Variants in NRDE2 observed in about 807,000 individuals in gnomAD.
NRDE2 encodes the protein NRDE-2, necessary for RNA interference, domain containing.
Under a neutral mutation model 124.2 loss-of-function variants are expected in NRDE2, and 76 were observed. The observed-to-expected ratio is 0.61, with a 90% CI of 0.51 to 0.74. The LOEUF is 0.74. NRDE2 is among the 30% of genes least tolerant of loss of function. The probability of loss-of-function intolerance (pLI) is 0.00; values close to 1 mark genes in which losing one functional copy is unlikely to be tolerated. For missense variants in NRDE2, 1,314 were observed against 1,417.3 expected (o/e 0.93, Z 1.17); for synonymous variants, 489 against 528.1 (o/e 0.93, Z 1.01).
chr14:90,268,379 T>C lies in NRDE2; in HGVS notation c.*9957A>G. 6.2e-7 allele frequency: 1 copy of C among 1,612,816 alleles called. No individual in the cohort carries two copies. The highest frequency in any genetic ancestry group is 8.5e-7 in the Non-Finnish European group (1 of 1,179,628). ...TGAAGAACATGCACCGTCCATCGTG[T>C]TTATTGATGAAATTGACGCCATTGG... is the stretch of plus-strand genomic sequence containing the variant. On this transcript the variant is annotated 3_prime_UTR_variant, in exon 14 of 14. Coordinates refer to ENST00000354366, the MANE Select transcript of NRDE2 (RefSeq NM_017970.4).
At chr14:90,278,861 A>G in intron 13 of NRDE2, 1 of 634,978 alleles carries the variant, frequency 1.6e-6, no homozygotes, top group Non-Finnish European at 2.9e-6. Context: ...ATGAAGCACC[A>G]GCCCCAGGTA....
In NRDE2 at chr14:90,302,707, GT is replaced by G; in HGVS notation, c.1411+12del. On this transcript the variant is annotated intron_variant, in intron 6 of 13. Coordinates refer to ENST00000354366, the MANE Select transcript of NRDE2 (RefSeq NM_017970.4). ...AACTCCTCCCACGTAACTGGATCTG[GT>G]TATCTCCTTACCAAACATGGCCTCT... 6.3e-7 allele frequency: 1 copy of G among 1,583,944 alleles called. No homozygotes were observed. Among genetic ancestry groups the G allele is most frequent in the East Asian group, 2.2e-5 (1 of 44,548 alleles).
chr14:90,314,415 C>A (rs944616072), intron 3 of NRDE2, among the ~76,000 whole-genome samples: 2 of 152,110 alleles, frequency 1.3e-5, no homozygotes, highest in African/African-American at 2.4e-5. Flanking sequence ...AGGACAAGAA[C>A]AATCTTAATA....
chr14:90,306,258 C>T (rs1210596353), intron 4 of NRDE2, among the ~76,000 whole-genome samples: 1 of 152,254 alleles, frequency 6.6e-6, no homozygotes, highest in Non-Finnish European at 1.5e-5. Flanking sequence ...CACCTTGGTT[C>T]AGGGCCGGGC....
rs200016542 is a variant in NRDE2, at chr14:90,278,288, G to A, written c.*48C>T. On this transcript the variant is annotated 3_prime_UTR_variant, in exon 14 of 14. Transcript: ENST00000354366. ...TCTGCTCGCGCCTCCTAGCTCCGCA[G>A]GGTGGGCAACTTGGCCTCGCAGGCA... The A allele has an allele frequency of 1.2e-6, 2 of 1,612,444 alleles. No homozygotes were observed. The highest frequency in any genetic ancestry group is 2.7e-5 in the African/African-American group (2 of 75,026).
At chr14:90,287,346 T>C (rs1892135816) in intron 11 of NRDE2, among the ~76,000 whole-genome samples, 1 of 152,090 alleles carries the variant, frequency 6.6e-6, no homozygotes, top group Non-Finnish European at 1.5e-5. Flanking sequence ...GGCCGGACAC[T>C]GTGGCTCCCT....
Position 90,301,320 on chromosome 14 carries a change from C to T in NRDE2, c.1464G>A (p.Lys488=). The T allele has an allele frequency of 6.2e-7, 1 of 1,613,884 alleles. No homozygotes were observed. The highest frequency in any genetic ancestry group is 1.1e-5 in the South Asian group (1 of 91,076). The change falls in exon 7 of 14, where the codon AAG becomes AAA. Residue 488 remains lysine (K), a synonymous_variant. Coordinates refer to ENST00000354366, the MANE Select transcript of NRDE2 (RefSeq NM_017970.4). The part of the protein sequence containing the change: ...HFLRQAGHSE[K]AISLFQAMVD... ...CCATGGCCTGGAACAATGAGATGGC[C>T]TTCTCAGAGTGGCCAGCCTGCCGCA...
At chr14:90,286,266 G>A in intron 12 of NRDE2, 88 bp downstream of exon 12, 1 of 1,456,412 alleles carries the variant, frequency 6.9e-7, no homozygotes, top group Non-Finnish European at 9.3e-7. Flanking sequence ...CTGGGCAGGG[G>A]CTACTTCTCA....
chr14:90,288,893 C>T lies in NRDE2; in HGVS notation c.2482G>A (p.Ala828Thr). ...SDLCELSLLY[A>T]ELEVELSPEV... ...GGCGACAGCTCCACCTCCAGCTCAG[C>T]ATAGAGCAGACTGAGCTCACAGAGG... Residue 828 changes from alanine to threonine, a missense_variant, in exon 11 of 14, where the codon GCT becomes ACT. Transcript: ENST00000354366. 8 of 1,614,180 alleles carry T rather than the reference C, an allele frequency of 5.0e-6. No homozygotes were observed. Among genetic ancestry groups the T allele is most frequent in the Non-Finnish European group, 6.8e-6 (8 of 1,180,010 alleles).
In NRDE2 at chr14:90,274,786, C is replaced by CT. The variant is rs1472241034; in HGVS notation, c.*3549dup. ...ACAGTATAGCCCTTTAAATAGGGAA[C>CT]TACACACACACACACACACACACAC... On this transcript the variant is annotated 3_prime_UTR_variant, in exon 14 of 14. Transcript: ENST00000354366. 1.2e-5 allele frequency: 1 copy of CT among 81,560 alleles called. No homozygotes were observed. The highest frequency in any genetic ancestry group is 4.9e-5 in the African/African-American group (1 of 20,206). The allele number at this position is 81,560 out of a possible 1,614,324, so 5.1% of individuals were successfully genotyped here. A position where few individuals can be genotyped will look rare whatever the true frequency, so the allele number is the denominator to read the frequency against.
chr14:90,318,454 A>G (rs1238607684), intron 1 of NRDE2, among the ~76,000 whole-genome samples: 1 of 152,220 alleles, frequency 6.6e-6, no homozygotes, highest in African/African-American at 2.4e-5. Context: ...ATGCTTCCAA[A>G]GCATTAGGTT....
intron 1 of NRDE2, among the ~76,000 whole-genome samples, chr14:90,326,437 T>C (rs1382467728): frequency 7.0e-6 from 1 of 143,248 alleles, no homozygotes; most frequent in Non-Finnish European, 1.5e-5. Flanking sequence ...GAGCTTGCAG[T>C]GAGCCGAGAT....
At position 90,321,087 on chromosome 14, in the gene NRDE2, T is replaced by C. The variant is rs186549726; in HGVS notation, c.65-2974A>G. 2.0e-5 allele frequency among the ~76,000 whole-genome samples: 3 copies of C among 152,288 alleles called. No individual in the cohort carries two copies. The East Asian group carries it at 5.8e-4, about 29-fold the overall frequency. Reference sequence around the variant, plus strand: ...GTGGAAAAAGATGGAACAAACAGTATTCAGGAAAAGATGCTCTCAAACAAT... The same window carrying C: ...GTGGAAAAAGATGGAACAAACAGTACTCAGGAAAAGATGCTCTCAAACAAT... On this transcript the variant is annotated intron_variant, in intron 1 of 13. Coordinates refer to ENST00000354366, the MANE Select transcript of NRDE2 (RefSeq NM_017970.4).
intron 9 of NRDE2, among the ~76,000 whole-genome samples, chr14:90,291,146 G>A (rs1892261798): frequency 6.6e-6 from 1 of 152,166 alleles, no homozygotes; most frequent in Non-Finnish European, 1.5e-5. Context: ...GAGCAATGGA[G>A]CACATTAAAA....
chr14:90,286,494 T>C lies in NRDE2; in HGVS notation c.3159-2A>G, dbSNP rs768603112. On this transcript the variant is annotated splice_acceptor_variant, in intron 11 of 13. Coordinates refer to ENST00000354366, the MANE Select transcript of NRDE2 (RefSeq NM_017970.4). LOFTEE classifies it high-confidence loss of function. ...GCGTGGATCTCTCTACCGTCTAACC[T>C]GCAAGGCAAAGGCTCACGTGACTCT... 1 of 1,608,544 alleles carries C rather than the reference T, an allele frequency of 6.2e-7. No individual in the cohort carries two copies. Among genetic ancestry groups the C allele is most frequent in the Admixed American group, 1.7e-5 (1 of 59,180 alleles).
In NRDE2 at chr14:90,275,853, T is replaced by C. The variant is rs8014988; in HGVS notation, c.*2483A>G. 0.95 allele frequency: 144,476 copies of C among 152,352 alleles called. 68,916 individuals carry two copies. Among genetic ancestry groups the C allele is most frequent in the East Asian group, 1 (5,170 of 5,172 alleles). The allele number at this position is 152,352 out of a possible 1,614,324, so 9.4% of individuals were successfully genotyped here. Reference sequence around the variant, plus strand: ...CCCATCACTCCCTCTGCAGCAAGCCTATCTTCACTTTTCCAATGCAAAATG... The same window carrying C: ...CCCATCACTCCCTCTGCAGCAAGCCCATCTTCACTTTTCCAATGCAAAATG... On this transcript the variant is annotated 3_prime_UTR_variant, in exon 14 of 14. Transcript: ENST00000354366.
At chr14:90,315,176 CAAAAAAAAAAAAAAAAA>C (rs71117336) in intron 3 of NRDE2, among the ~76,000 whole-genome samples, 2 of 31,792 alleles carry the variant, frequency 6.3e-5, no homozygotes, top group South Asian at 3.1e-3. Context: ...TACTCTGTCT[CAAAAAAAAAAAAAAAAA>C]AAAAAAAAAA....
chr14:90,321,564 A>G (rs971273035), intron 1 of NRDE2, among the ~76,000 whole-genome samples: 49 of 151,682 alleles, frequency 3.2e-4, no homozygotes, highest in Admixed American at 7.2e-4. Context: ...AAAAAAAAAA[A>G]AAAAGAAAAG....
In NRDE2 at chr14:90,276,191, T is replaced by C. The variant is rs1891798735; in HGVS notation, c.*2145A>G. On this transcript the variant is annotated 3_prime_UTR_variant, in exon 14 of 14. Transcript: ENST00000354366. ...GAGGCACGTAGTCATCTTTCAGAAG[T>C]TCATGTCAGCAATCTCAAACGGGCT... 1 of 149,710 alleles carries C rather than the reference T, an allele frequency of 6.7e-6. No individual in the cohort carries two copies. The highest frequency in any genetic ancestry group is 6.7e-5 in the Admixed American group (1 of 14,986). 9.3% of individuals were successfully genotyped at this position (149,710 alleles called of 1,614,324 possible).
Sources: gnomAD v4.1 joint callset for allele counts (sites outside exome capture counted in the v4.1 genomes callset) on GRCh38, gnomAD v4.1.1 for gene constraint, MANE v1.5 for transcripts, NCBI Gene and HGNC (gene_info 2026-07-23, HGNC 2026-07-21) for gene names.